The following TMEM248 variants were observed in gnomAD, a reference collection of about 807,000 sequenced individuals.
The protein encoded by TMEM248 is transmembrane protein 248.
A neutral mutation model predicts 30.3 loss-of-function variants in TMEM248; 9 were observed. The observed-to-expected ratio is 0.30, with a 90% confidence interval of 0.18 to 0.52. The LOEUF (loss-of-function observed/expected upper bound fraction) is 0.52, where lower values mean the gene tolerates loss of function less well. TMEM248 is among the 20% of genes least tolerant of loss of function. The pLI, the probability that TMEM248 is intolerant of heterozygous loss-of-function variation, is 0.97. For missense variants in TMEM248, 338 were observed against 403.3 expected (o/e 0.84, Z 1.39); for synonymous variants, 184 against 154.4 (o/e 1.19, Z -1.42).
intron 6 of TMEM248, among the ~76,000 whole-genome samples, chr7:66,953,984 C>T (rs370697520): frequency 7.9e-4 from 107 of 135,402 alleles, no homozygotes; most frequent in African/African-American, 2.9e-3. Flanking sequence ...TGCTCTGTCA[C>T]CAAGGCTGGA....
At position 66,940,301 on chromosome 7, in the gene TMEM248, G is replaced by T. The variant is rs890606935; in HGVS notation, c.-18-1547G>T. On this transcript the variant is annotated intron_variant, in intron 1 of 6. Transcript: ENST00000341567. ...GCAAACGTGGAAATGTTTGGGGAAA[G>T]CATCCAGGCAGATACAAAATTCTTC... 1.1e-4 allele frequency among the ~76,000 whole-genome samples: 16 copies of T among 152,304 alleles called. No individual in the cohort carries two copies. The South Asian group carries it at 3.1e-3, about 30-fold the overall frequency.
At chr7:66,944,162 T>C (rs541446261) in intron 2 of TMEM248, among the ~76,000 whole-genome samples, 14 of 144,662 alleles carry the variant, frequency 9.7e-5, no homozygotes, top group African/African-American at 3.3e-4. Context: ...TGGAGTGCAG[T>C]GGCACGATCT....
At chr7:66,943,694 T>C (rs1050379496) in intron 2 of TMEM248, among the ~76,000 whole-genome samples, 1 of 147,996 alleles carries the variant, frequency 6.8e-6, no homozygotes, top group Non-Finnish European at 1.5e-5. Context: ...AGGGAAAATG[T>C]AATTTGATAG....
At chr7:66,934,891 A>T (rs192184147) in intron 1 of TMEM248, among the ~76,000 whole-genome samples, 6 of 151,954 alleles carry the variant, frequency 3.9e-5, no homozygotes, top group Admixed American at 2.6e-4. Flanking sequence ...GTCTCTACTT[A>T]AAAAAAGACA....
At chr7:66,936,227 T>A (rs565309600) in intron 1 of TMEM248, among the ~76,000 whole-genome samples, 1 of 152,330 alleles carries the variant, frequency 6.6e-6, no homozygotes, top group East Asian at 1.9e-4. Flanking sequence ...TGAGGTATGA[T>A]CCTTCTAAGC....
At chr7:66,944,940 T>G (rs372546396) in intron 2 of TMEM248, 36 bp from the exon 3 acceptor site, 177 of 1,610,362 alleles carry the variant, frequency 1.1e-4, no homozygotes, top group Non-Finnish European at 1.5e-4. Context: ...CAGGCGCTGC[T>G]TAACACCCAT....
Position 66,955,836 on chromosome 7 carries a change from C to A in TMEM248, c.*314C>A. On this transcript the variant is annotated 3_prime_UTR_variant, in exon 7 of 7. Coordinates refer to ENST00000341567, the MANE Select transcript of TMEM248 (RefSeq NM_017994.5). ...GATTCCTGGATCTAGCTGGTCACGA[C>A]GATGTTTTCACCAAGGTCACAGGAG... is the stretch of plus-strand genomic sequence containing the variant. The A allele has an allele frequency of 2.9e-6, 1 of 344,034 alleles. No individual in the cohort carries two copies. 21.3% of individuals were successfully genotyped at this position (344,034 alleles called of 1,614,324 possible).
Position 66,956,979 on chromosome 7 carries a change from T to A in TMEM248, c.*1457T>A, listed in dbSNP as rs1792421231. ...CGTCAGCCACTGCTCTCGGCCCTCT[T>A]ACACCATTTTGTTTGATTGTCTAGT... On this transcript the variant is annotated 3_prime_UTR_variant, in exon 7 of 7. Coordinates refer to ENST00000341567, the MANE Select transcript of TMEM248 (RefSeq NM_017994.5). 1 of 152,656 alleles carries A rather than the reference T, an allele frequency of 6.6e-6. No homozygotes were observed. The highest frequency in any genetic ancestry group is 1.5e-5 in the Non-Finnish European group (1 of 68,050). 9.5% of individuals were successfully genotyped at this position (152,656 alleles called of 1,614,324 possible).
chr7:66,950,109 C>G (rs895665944), intron 4 of TMEM248, among the ~76,000 whole-genome samples: 1 of 151,908 alleles, frequency 6.6e-6, no homozygotes, highest in African/African-American at 2.4e-5. Flanking sequence ...ACCTGTAATC[C>G]CAGCTACTTG....
chr7:66,938,466 TTTC>T lies in TMEM248; in HGVS notation c.-18-3379_-18-3377del, dbSNP rs1362587288. ...GGTGAATTGTATGGTATGTGAATTA[TTTC>T]TTAATACTATTAAAAATATCAAGAA... On this transcript the variant is annotated intron_variant, in intron 1 of 6. Coordinates refer to ENST00000341567, the MANE Select transcript of TMEM248 (RefSeq NM_017994.5). Among the ~76,000 whole-genome samples, 6 of 152,208 alleles carry T rather than the reference TTTC, an allele frequency of 3.9e-5. 1 individual carries two copies. Among genetic ancestry groups the T allele is most frequent in the Non-Finnish European group, 8.8e-5 (6 of 68,042 alleles).
At position 66,945,112 on chromosome 7, in the gene TMEM248, A is replaced by G; in HGVS notation, c.296A>G (p.Gln99Arg). The change falls in exon 3 of 7, where the codon CAG becomes CGG. Residue 99 changes from glutamine (Q) to arginine (R), a missense_variant. By Grantham distance (43) the Gln-to-Arg change is conservative. Coordinates refer to ENST00000341567, the MANE Select transcript of TMEM248 (RefSeq NM_017994.5). ...MTSGQARAST[Q>R]SPQALEDSGP... ...AGCGGGCAGGCCCGAGCTTCCACCC[A>G]GTCCCCCCAGGCCCTGGAGGACTCG... 6.2e-7 allele frequency: 1 copy of G among 1,614,246 alleles called. No homozygotes were observed. Among genetic ancestry groups the G allele is most frequent in the South Asian group, 1.1e-5 (1 of 91,090 alleles).
rs920449872 is a variant in TMEM248 at position 66,957,210 on chromosome 7, T to G, written c.*1688T>G. On this transcript the variant is annotated 3_prime_UTR_variant, in exon 7 of 7. Coordinates refer to ENST00000341567, the MANE Select transcript of TMEM248 (RefSeq NM_017994.5). ...TGGACATGACCATGAGTGCTTCCTT[T>G]CCTTAACTCTAGGTTTGTAGTCTGT... 1.6e-5 allele frequency: 2 copies of G among 123,734 alleles called. No homozygotes were observed. Among genetic ancestry groups the G allele is most frequent in the African/African-American group, 6.2e-5 (2 of 32,160 alleles). 7.7% of individuals were successfully genotyped at this position (123,734 alleles called of 1,614,324 possible). A position where few individuals can be genotyped will look rare whatever the true frequency, so the allele number is the denominator to read the frequency against.
chr7:66,935,537 T>C (rs1791778512), intron 1 of TMEM248, among the ~76,000 whole-genome samples: 1 of 152,026 alleles, frequency 6.6e-6, no homozygotes, highest in Non-Finnish European at 1.5e-5. Context: ...GCAAGTACTA[T>C]GTAAATAGTT....
At chr7:66,941,392 A>G (rs1791947967) in intron 1 of TMEM248, among the ~76,000 whole-genome samples, 2 of 147,966 alleles carry the variant, frequency 1.4e-5, no homozygotes, top group African/African-American at 4.9e-5. Context: ...AAAAAAAAAA[A>G]AGAAAAAAAA....
chr7:66,955,594 C>A lies in TMEM248; in HGVS notation c.*72C>A. The A allele has an allele frequency of 6.4e-7, 1 of 1,570,256 alleles. No homozygotes were observed. On this transcript the variant is annotated 3_prime_UTR_variant, in exon 7 of 7. Transcript: ENST00000341567. ...CTTGCCTGCTGAACCCAGCCTGGGC[C>A]TGGATGCTCTGTGAATACATTATCT...
At chr7:66,941,756 G>A in intron 1 of TMEM248, 92 bp from the exon 2 acceptor site, 1 of 1,126,144 alleles carries the variant, frequency 8.9e-7, no homozygotes, top group South Asian at 2.0e-5. Context: ...ATCCCACCCA[G>A]CTCACCCCCC....
intron 1 of TMEM248, among the ~76,000 whole-genome samples, chr7:66,929,843 T>TG (rs1791620597): frequency 6.6e-6 from 1 of 151,988 alleles, no homozygotes; most frequent in African/African-American, 2.4e-5. Flanking sequence ...GGTAACTGGT[T>TG]GTAGGAGAGC....
At chr7:66,948,426 A>G (rs1792172849) in intron 3 of TMEM248, 118 bp from the exon 4 acceptor site, 1 of 1,217,210 alleles carries the variant, frequency 8.2e-7, no homozygotes, top group African/African-American at 1.5e-5. Context: ...CCACAAAGGC[A>G]GGTGCCTGGG....
At chr7:66,921,716 A>G (rs543931722) in intron 1 of TMEM248, 1 of 152,182 alleles carries the variant, frequency 6.6e-6, no homozygotes, top group African/African-American at 2.4e-5. Flanking sequence ...AGATGGCGGG[A>G]CTTCCCACGT....
Sources: gnomAD v4.1 joint callset for allele counts (sites outside exome capture counted in the v4.1 genomes callset) on GRCh38, gnomAD v4.1.1 for gene constraint, MANE v1.5 for transcripts, NCBI Gene and HGNC (gene_info 2026-07-23, HGNC 2026-07-21) for gene names.